CELSR1: variants seen among roughly 807,000 people sequenced by gnomAD.
CELSR1 encodes the protein adhesion G protein-coupled receptor C1.
Under a neutral mutation model 249.1 loss-of-function variants are expected in CELSR1, and 110 were observed. The ratio of observed to expected loss-of-function variants is 0.44; its 90% CI spans 0.38 to 0.52. The LOEUF (loss-of-function observed/expected upper bound fraction) is 0.52, where lower values mean the gene tolerates loss of function less well. CELSR1 is among the 20% of genes least tolerant of loss of function. The pLI is 0.00. For missense variants in CELSR1, 4,109 were observed against 4,296.4 expected (o/e 0.96, Z 1.22); for synonymous variants, 2,113 against 1,900.0 (o/e 1.11, Z -2.92).
At chr22:46,376,690 G>A (rs914724822) in intron 24 of CELSR1, among the ~76,000 whole-genome samples, 2 of 151,908 alleles carry the variant, frequency 1.3e-5, no homozygotes, top group Admixed American at 6.6e-5. Context: ...TTTGACAAGA[G>A]TTGTATTTTC....
In CELSR1 at chr22:46,491,625, T is replaced by TTC. The variant is rs71315160; in HGVS notation, c.3545-27282_3545-27281dup. On this transcript the variant is annotated intron_variant, in intron 1 of 34. Transcript: ENST00000674500. ...TAGCAGAAAGGAAACATAGTCTCTA[T>TTC]TCTCTCTCTCTCTTTTTTTTTTTTT... Among the ~76,000 whole-genome samples the TTC allele has an allele frequency of 5.9e-3, 798 of 136,306 alleles. 72 individuals are homozygous for TTC. Among genetic ancestry groups the TTC allele is most frequent in the Non-Finnish European group, 7.4e-3 (484 of 64,974 alleles). The allele number at this position is 136,306 out of a possible 152,430, so 89.4% of individuals were successfully genotyped here. A position where few individuals can be genotyped will look rare whatever the true frequency, so the allele number is the denominator to read the frequency against.
intron 22 of CELSR1, among the ~76,000 whole-genome samples, chr22:46,379,564 TTC>T (rs1229576504): frequency 1.3e-5 from 2 of 152,200 alleles, no homozygotes; most frequent in Admixed American, 1.3e-4. Context: ...GGTTCCTTTC[TTC>T]TCTCTTTTAT....
At chr22:46,442,717 G>T (rs902691482) in intron 2 of CELSR1, among the ~76,000 whole-genome samples, 2 of 152,208 alleles carry the variant, frequency 1.3e-5, no homozygotes, top group African/African-American at 4.8e-5. Flanking sequence ...AGAGGTAAAT[G>T]GTGCCTCTGA....
intron 2 of CELSR1, among the ~76,000 whole-genome samples, chr22:46,463,377 G>T (rs1489871573): frequency 6.6e-6 from 1 of 152,168 alleles, no homozygotes; most frequent in African/African-American, 2.4e-5. Context: ...TTAGCTGGGC[G>T]TGGTGGCCTG....
In CELSR1 at chr22:46,437,937, C is replaced by T. The variant is rs1056506777; in HGVS notation, c.4406+1252G>A. 1.3e-5 allele frequency among the ~76,000 whole-genome samples: 2 copies of T among 152,160 alleles called. No homozygotes were observed. Among genetic ancestry groups the T allele is most frequent in the Non-Finnish European group, 2.9e-5 (2 of 68,034 alleles). ...GACCAACTCAGTGCAGGCTTGTTTC[C>T]TGAGACTCAGCCCCTGGGTCATACC... On this transcript the variant is annotated intron_variant, in intron 3 of 34. Coordinates refer to ENST00000674500, the MANE Select transcript of CELSR1 (RefSeq NM_001378328.1). This position sits in a 1 kb window ranked among gnomAD's most constrained non-coding sequence, Gnocchi z 4.9.
intron 2 of CELSR1, among the ~76,000 whole-genome samples, chr22:46,442,938 A>C (rs1279584046): frequency 2.0e-5 from 3 of 150,712 alleles, no homozygotes; most frequent in Non-Finnish European, 4.4e-5. Context: ...AAAAATACAA[A>C]AAAAAAAAAA....
Position 46,372,870 on chromosome 22 carries a change from T to C in CELSR1, c.7759+13A>G, listed in dbSNP as rs200717191. ...TCTGTGGTTTTATGCAGGGCCACTC[T>C]GTGCATCCTCACCTGTGACAATGGC... is the stretch of plus-strand genomic sequence containing the variant. On this transcript the variant is annotated intron_variant, in intron 25 of 34. Transcript: ENST00000674500. The C allele has an allele frequency of 1.2e-4, 199 of 1,594,754 alleles. No individual in the cohort carries two copies. In the African/African-American group the frequency reaches 2.1e-3, roughly 17 times the overall value.
At chr22:46,373,558 C>T (rs1024181516) in intron 24 of CELSR1, among the ~76,000 whole-genome samples, 20 of 151,136 alleles carry the variant, frequency 1.3e-4, no homozygotes, top group Admixed American at 5.9e-4. Flanking sequence ...GAGAGGCTGC[C>T]CCAGCCAGTG....
intron 18 of CELSR1, among the ~76,000 whole-genome samples, chr22:46,387,535 T>C (rs1205591387): frequency 6.8e-6 from 1 of 147,136 alleles, no homozygotes; most frequent in African/African-American, 2.7e-5. Flanking sequence ...TTTTTTCATA[T>C]TTTAGAAGAG....
rs1475095967 is a variant in CELSR1, at chr22:46,363,548, CT to C, written c.9036-302del. 1 of 362,040 alleles carries C rather than the reference CT, an allele frequency of 2.8e-6. No homozygotes were observed. Among genetic ancestry groups the C allele is most frequent in the African/African-American group, 2.1e-5 (1 of 48,670 alleles). 22.4% of individuals were successfully genotyped at this position (362,040 alleles called of 1,614,324 possible). A position where few individuals can be genotyped will look rare whatever the true frequency, so the allele number is the denominator to read the frequency against. ...AAGGGGCATTCTGAAGACCTGGCTT[CT>C]CCCTTGTGAGTTTGGAGGGAGGGAG... On this transcript the variant is annotated intron_variant, in intron 34 of 34. Transcript: ENST00000674500. This position sits in a 1 kb window ranked among gnomAD's most constrained non-coding sequence, Gnocchi z 4.3.
In CELSR1 at chr22:46,534,039, C is replaced by T. The variant is rs546787155; in HGVS notation, c.3132G>A (p.Arg1044=). Residue 1044 remains arginine (R), a synonymous_variant, in exon 1 of 35, where the codon CGG becomes CGA. Transcript: ENST00000674500. This position sits in a 1 kb window ranked among gnomAD's most constrained non-coding sequence, Gnocchi z 9.7. ...IMYQIVEGDM[R]HFFQLDLLNG... ...TGAGCAGGTCCAGCTGGAAGAAATG[C>T]CGCATGTCCCCTTCCACAATCTGAT... is the stretch of plus-strand genomic sequence containing the variant. 2 of 1,613,734 alleles carry T rather than the reference C, an allele frequency of 1.2e-6. No homozygotes were observed. The highest frequency in any genetic ancestry group is 8.5e-7 in the Non-Finnish European group (1 of 1,180,028).
At chr22:46,370,308 C>T in intron 25 of CELSR1, 3 of 367,922 alleles carry the variant, frequency 8.2e-6, no homozygotes, top group Non-Finnish European at 1.6e-5. Flanking sequence ...GTGCACATGC[C>T]ATACACATGT....
intron 5 of CELSR1, among the ~76,000 whole-genome samples, chr22:46,422,544 C>T (rs888580072): frequency 1.3e-5 from 2 of 150,942 alleles, no homozygotes; most frequent in African/African-American, 4.9e-5. Context: ...ACCATCCTGG[C>T]CAACACGGTG....
intron 9 of CELSR1, 152 bp from the exon 10 acceptor site, chr22:46,400,054 G>T: frequency 1.3e-6 from 1 of 762,576 alleles, no homozygotes; most frequent in Non-Finnish European, 2.1e-6. Flanking sequence ...AGTTGGCCAG[G>T]TGCGGTGGCT....
At chr22:46,469,982 G>GGAGGGGAGGGAGGGAGGAT (rs1569186649) in intron 1 of CELSR1, among the ~76,000 whole-genome samples, 16 of 124,426 alleles carry the variant, frequency 1.3e-4, no homozygotes, top group South Asian at 2.7e-4. Context: ...GGAGGGAGGA[G>GGAGGGGAGGGAGGGAGGAT]GAGGGGAGGG....
rs1178204000 is a variant in CELSR1 at position 46,410,583 on chromosome 22, C to A, written c.4770-22G>T. The A allele has an allele frequency of 6.2e-7, 1 of 1,607,768 alleles. No homozygotes were observed. Among genetic ancestry groups the A allele is most frequent in the African/African-American group, 1.3e-5 (1 of 74,830 alleles). On this transcript the variant is annotated intron_variant, in intron 6 of 34. Coordinates refer to ENST00000674500, the MANE Select transcript of CELSR1 (RefSeq NM_001378328.1). This position sits in a 1 kb window ranked among gnomAD's most constrained non-coding sequence, Gnocchi z 6.8. ...GGACCTGGGTAGGTAAAGCCATCTT[C>A]TGTGACGTCAGGGCGGGGAGAGGCG...
chr22:46,443,347 C>T (rs183005782), intron 2 of CELSR1, among the ~76,000 whole-genome samples: 30 of 152,298 alleles, frequency 2.0e-4, no homozygotes, highest in African/African-American at 6.0e-4. Flanking sequence ...GGATCCCATC[C>T]GCCTGTTCTG....
chr22:46,438,768 GT>G (rs930644496), intron 3 of CELSR1, among the ~76,000 whole-genome samples: 7 of 151,770 alleles, frequency 4.6e-5, no homozygotes, highest in Non-Finnish European at 2.9e-5. Context: ...AGCTTTTGTG[GT>G]TTTTTTTGAG....
Position 46,381,905 on chromosome 22 carries a change from AATG to A in CELSR1, c.7026_7028del (p.Ile2343del), listed in dbSNP as rs1484443299. 1.3e-6 allele frequency: 2 copies of A among 1,575,406 alleles called. No individual in the cohort carries two copies. The highest frequency in any genetic ancestry group is 1.7e-6 in the Non-Finnish European group (2 of 1,162,574). ...GCAGGAGCTGCCCCAGGGTGCGGTAAATGATGACCAGAGCGACGGCGAACTGGC... is the reference window on the plus strand; with the variant it reads ...GCAGGAGCTGCCCCAGGGTGCGGTAAATGACCAGAGCGACGGCGAACTGGC... On this transcript the variant is annotated inframe_deletion, in exon 21 of 35. Transcript: ENST00000674500. The surrounding 1 kb of genome is among the most constrained non-coding windows in gnomAD (Gnocchi z 6.0).
Sources: allele counts gnomAD v4.1 joint callset (sites outside exome capture counted in the v4.1 genomes callset), GRCh38; gene constraint gnomAD v4.1.1; non-coding constraint Gnocchi (gnomAD v3.1); transcripts MANE v1.5; gene names NCBI Gene and HGNC (gene_info 2026-07-23, HGNC 2026-07-21).